The following SNTG1 variants were observed in gnomAD, a reference collection of about 807,000 sequenced individuals.
SNTG1 encodes the protein syntrophin gamma 1.
A neutral mutation model predicts 74.7 loss-of-function variants in SNTG1; 39 were observed. That is an observed-to-expected ratio of 0.52 (90% CI 0.40 to 0.68). The LOEUF (loss-of-function observed/expected upper bound fraction) is 0.68, where lower values mean the gene tolerates loss of function less well. Among genes scored for constraint, SNTG1 ranks in the 30% least tolerant of loss-of-function variants. SNTG1 has a pLI of 0.00. For synonymous variants in SNTG1, 254 were observed against 217.1 expected (o/e 1.17, Z -1.49); for missense variants, 685 against 609.5 (o/e 1.12, Z -1.30).
chr8:50,711,108 G>A (rs2095460312), intron 17 of SNTG1, among the ~76,000 whole-genome samples: 1 of 152,134 alleles, frequency 6.6e-6, no homozygotes, highest in Non-Finnish European at 1.5e-5. Context: ...CCACTGAGCT[G>A]GGCTGACTGC....
At chr8:50,576,322 T>A (rs138196379) in intron 12 of SNTG1, among the ~76,000 whole-genome samples, 200 of 152,306 alleles carry the variant, frequency 1.3e-3, no homozygotes, top group African/African-American at 4.4e-3. Flanking sequence ...TCTATTCTAT[T>A]CTATGTATCT....
intron 15 of SNTG1, among the ~76,000 whole-genome samples, chr8:50,699,048 A>G (rs1011766145): frequency 2.6e-5 from 4 of 152,140 alleles, no homozygotes; most frequent in Non-Finnish European, 2.9e-5. Flanking sequence ...CAAAAAAGTT[A>G]CTGAGGTGGA....
intron 1 of SNTG1, among the ~76,000 whole-genome samples, chr8:49,936,981 T>C (rs899386679): frequency 2.6e-5 from 4 of 152,142 alleles, no homozygotes; most frequent in Non-Finnish European, 5.9e-5. Context: ...AAACCCCGTC[T>C]GTAGTAAAAA....
intron 18 of SNTG1, among the ~76,000 whole-genome samples, chr8:50,778,144 A>G (rs998394629): frequency 2.6e-5 from 4 of 152,154 alleles, no homozygotes; most frequent in South Asian, 2.1e-4. Flanking sequence ...GCTATTGTGA[A>G]TAGTGCCGCA....
At chr8:50,739,818 A>G (rs1430097667) in intron 17 of SNTG1, among the ~76,000 whole-genome samples, 1 of 151,992 alleles carries the variant, frequency 6.6e-6, no homozygotes, top group Middle Eastern at 3.2e-3. Context: ...CAGAAATAAG[A>G]CCATACACCT....
intron 15 of SNTG1, among the ~76,000 whole-genome samples, chr8:50,686,436 G>A (rs1034484790): frequency 4.6e-5 from 7 of 152,138 alleles, no homozygotes; most frequent in Non-Finnish European, 8.8e-5. Context: ...ACTAGAGACA[G>A]TATTTGAAGA....
intron 2 of SNTG1, among the ~76,000 whole-genome samples, chr8:50,276,487 C>T (rs2088120590): frequency 6.6e-6 from 1 of 151,188 alleles, no homozygotes; most frequent in Non-Finnish European, 1.5e-5. Flanking sequence ...ACCTAGAAGG[C>T]AATGATTTTA....
intron 17 of SNTG1, among the ~76,000 whole-genome samples, chr8:50,733,140 A>G (rs1023401933): frequency 1.3e-5 from 2 of 151,832 alleles, no homozygotes; most frequent in African/African-American, 4.8e-5. Flanking sequence ...ATGTTATTTT[A>G]TGCTCAATGT....
intron 1 of SNTG1, among the ~76,000 whole-genome samples, chr8:50,104,175 T>A (rs1331641748): frequency 6.6e-6 from 1 of 152,206 alleles, no homozygotes; most frequent in Non-Finnish European, 1.5e-5. Flanking sequence ...AATTCAGCTG[T>A]GAATCCATCT....
intron 13 of SNTG1, among the ~76,000 whole-genome samples, chr8:50,617,954 A>C (rs575573187): frequency 6.6e-6 from 1 of 152,312 alleles, no homozygotes; most frequent in African/African-American, 2.4e-5. Context: ...TTGGAGGCAG[A>C]AATTGGGCAT....
chr8:50,645,018 A>G (rs890904133), intron 13 of SNTG1, among the ~76,000 whole-genome samples: 1 of 151,366 alleles, frequency 6.6e-6, no homozygotes, highest in African/African-American at 2.4e-5. Context: ...GGCCGCCCAC[A>G]GTGCTATAAT....
chr8:50,264,225 T>C (rs565557661), intron 2 of SNTG1, among the ~76,000 whole-genome samples: 1 of 152,224 alleles, frequency 6.6e-6, no homozygotes, highest in South Asian at 2.1e-4. Flanking sequence ...GTCTATTATA[T>C]TAAAAAGCAG....
rs186003386 is a variant in SNTG1, at chr8:49,985,993, G to T, written c.-103+73762G>T. ...TTATAACAAAGACCTAGTGAGATAG[G>T]CTTTATAGAAAAGTGTTAGAGTTCT... On this transcript the variant is annotated intron_variant, in intron 1 of 18. Coordinates refer to ENST00000642720, the MANE Select transcript of SNTG1 (RefSeq NM_018967.5). Among the ~76,000 whole-genome samples, 554 of 152,190 alleles carry T rather than the reference G, an allele frequency of 3.6e-3. 3 individuals are homozygous for T. The highest frequency in any genetic ancestry group is 0.013 in the African/African-American group (528 of 41,510).
intron 8 of SNTG1, among the ~76,000 whole-genome samples, chr8:50,482,015 A>G (rs2093745058): frequency 6.6e-6 from 1 of 152,208 alleles, no homozygotes; most frequent in African/African-American, 2.4e-5. Flanking sequence ...CGGTTTATGA[A>G]GTGAACATAG....
At chr8:50,778,962 T>A (rs949819571) in intron 18 of SNTG1, among the ~76,000 whole-genome samples, 1 of 152,060 alleles carries the variant, frequency 6.6e-6, no homozygotes, top group Non-Finnish European at 1.5e-5. Context: ...AAATGGGGAA[T>A]CTTTCCCCAT....
At chr8:50,496,862 G>T (rs2093908854) in intron 8 of SNTG1, among the ~76,000 whole-genome samples, 1 of 151,480 alleles carries the variant, frequency 6.6e-6, no homozygotes, top group African/African-American at 2.4e-5. Context: ...GGATTTATTG[G>T]TTATTTCTTA....
chr8:50,530,385 A>G (rs1034745427), intron 10 of SNTG1, 126 bp downstream of exon 10: 2 of 939,494 alleles, frequency 2.1e-6, no homozygotes, highest in Non-Finnish European at 3.2e-6. Flanking sequence ...AAGAATTATG[A>G]TAAACAAGAA....
At chr8:50,226,777 G>C (rs910466623) in intron 2 of SNTG1, among the ~76,000 whole-genome samples, 1 of 152,014 alleles carries the variant, frequency 6.6e-6, no homozygotes, top group Non-Finnish European at 1.5e-5. Flanking sequence ...GTTGTAACCC[G>C]ACCACCCTGG....
At chr8:50,009,079 A>G (rs1233997637) in intron 1 of SNTG1, among the ~76,000 whole-genome samples, 1 of 152,088 alleles carries the variant, frequency 6.6e-6, no homozygotes, top group Admixed American at 6.5e-5. Context: ...TTGGATTCCC[A>G]TGCTTATTTG....
Sources: gnomAD v4.1 joint callset for allele counts (sites outside exome capture counted in the v4.1 genomes callset) on GRCh38, gnomAD v4.1.1 for gene constraint, MANE v1.5 for transcripts, NCBI Gene and HGNC (gene_info 2026-07-23, HGNC 2026-07-21) for gene names.